GAK: variants seen among roughly 807,000 people sequenced by gnomAD.
GAK encodes cyclin G associated kinase.
In GAK, 79 loss-of-function variants were observed where a neutral mutation model predicts 143.9. The ratio of observed to expected loss-of-function variants is 0.55; its 90% CI spans 0.46 to 0.66. The LOEUF (loss-of-function observed/expected upper bound fraction) is 0.66. Ranked by LOEUF, GAK falls within the 30% of genes least tolerant of loss-of-function variation. The pLI, the probability that GAK is intolerant of heterozygous loss-of-function variation, is 0.00. For synonymous variants in GAK, 881 were observed against 765.5 expected (o/e 1.15, Z -2.49); for missense variants, 1,693 against 1,779.7 (o/e 0.95, Z 0.88).
rs751297024 is a variant in GAK, at chr4:865,123, T to G, written c.3165A>C (p.Glu1055Asp). 1.2e-6 allele frequency: 2 copies of G among 1,608,698 alleles called. No homozygotes were observed. The highest frequency in any genetic ancestry group is 1.7e-6 in the Non-Finnish European group (2 of 1,177,308). ...ASAVAPTPATEGPLFSPGGQP... is the reference protein window; with the variant it reads ...ASAVAPTPATDGPLFSPGGQP... ...GTCCTTGGTGGGTGGTGGCCATACC[T>G]TCTGTGGCTGGCGTGGGGGCCACTG... Residue 1055 changes from glutamate (E) to aspartate (D), a missense_variant and splice_region_variant, in exon 23 of 28, where the codon GAA (glutamate) becomes GAC (aspartate). Physicochemically the swap from Glu to Asp is conservative, Grantham distance 45. Coordinates refer to ENST00000314167, the MANE Select transcript of GAK (RefSeq NM_005255.4).
At chr4:900,185 T>G (rs889844943) in intron 5 of GAK, among the ~76,000 whole-genome samples, 1 of 150,352 alleles carries the variant, frequency 6.7e-6, no homozygotes, top group African/African-American at 2.5e-5. Flanking sequence ...AGCAGGACGA[T>G]GCACAGGGCA....
At chr4:894,583 G>GGCGT (rs147984788) in intron 7 of GAK, 4,583 of 152,842 alleles carry the variant, frequency 0.03, 98 homozygotes, top group South Asian at 0.088. Flanking sequence ...CGGAGCTGGC[G>GGCGT]GCGTGCTTCC....
chr4:852,967 C>T (rs1239248598), intron 24 of GAK: 1 of 152,272 alleles, frequency 6.6e-6, no homozygotes, highest in African/African-American at 2.4e-5. Flanking sequence ...CCTCTCAGCA[C>T]CACAGCAATC....
chr4:911,402 C>T (rs970413183), intron 4 of GAK, among the ~76,000 whole-genome samples: 1 of 152,246 alleles, frequency 6.6e-6, no homozygotes, highest in Admixed American at 6.5e-5. Context: ...CCACTGGAGA[C>T]AGGCAGGATG....
At chr4:876,457 A>G (rs540157565) in intron 18 of GAK, 73 bp downstream of exon 18, 12 of 1,351,864 alleles carry the variant, frequency 8.9e-6, no homozygotes, top group African/African-American at 1.4e-5. Context: ...GGCTCCCACG[A>G]CCGGCCCACA....
chr4:862,834 C>A (rs552713520), intron 23 of GAK, among the ~76,000 whole-genome samples: 2 of 152,158 alleles, frequency 1.3e-5, no homozygotes, highest in Non-Finnish European at 2.9e-5. Flanking sequence ...GCTGACAATA[C>A]GGACAATGCA....
At chr4:924,093 G>C in intron 1 of GAK, among the ~76,000 whole-genome samples, 1 of 149,912 alleles carries the variant, frequency 6.7e-6, no homozygotes, top group Non-Finnish European at 1.5e-5. Flanking sequence ...GCTGAGGCAG[G>C]AGAATTGTTT....
chr4:880,829 G>A (rs1481702558), intron 15 of GAK, among the ~76,000 whole-genome samples: 1 of 152,186 alleles, frequency 6.6e-6, no homozygotes, highest in Non-Finnish European at 1.5e-5. Flanking sequence ...AGGAGCTGTG[G>A]GATTTGGGGG....
chr4:876,833 C>T lies in GAK; in HGVS notation c.1975-224G>A, dbSNP rs1424222100. ...CCCACAAGCTGCTTCACGGGACTGC[C>T]GTGGGGGCTGCCCCAAGTGGACCCT... On this transcript the variant is annotated intron_variant, in intron 17 of 27. Coordinates refer to ENST00000314167, the MANE Select transcript of GAK (RefSeq NM_005255.4). Among the ~76,000 whole-genome samples the T allele has an allele frequency of 3.9e-5, 6 of 152,164 alleles. No homozygotes were observed. The East Asian group carries it at 5.8e-4, about 15-fold the overall frequency.
chr4:929,163 G>C (rs890665032), intron 1 of GAK, among the ~76,000 whole-genome samples: 2 of 152,140 alleles, frequency 1.3e-5, no homozygotes, highest in African/African-American at 2.4e-5. Context: ...CCTGGGGGTG[G>C]GAGTAGGCTG....
chr4:924,596 C>A (rs1434255493), intron 1 of GAK, among the ~76,000 whole-genome samples: 1 of 138,808 alleles, frequency 7.2e-6, no homozygotes, highest in African/African-American at 2.9e-5. Context: ...CATAACAGCA[C>A]ATACGGTTTG....
intron 5 of GAK, among the ~76,000 whole-genome samples, chr4:901,822 CG>C (rs1719924868): frequency 6.6e-6 from 1 of 152,208 alleles, no homozygotes; most frequent in Non-Finnish European, 1.5e-5. Flanking sequence ...GCGCCGCTCC[CG>C]ATTAGCGAGG....
Position 877,664 on chromosome 4 carries a change from C to G in GAK, c.1807G>C (p.Val603Leu), listed in dbSNP as rs146207272. The change falls in exon 16 of 28, where the codon GTG becomes CTG. Residue 603 changes from valine (V) to leucine (L), a missense_variant. Transcript: ENST00000314167. ...SGCRPFCEVY[V>L]GDERVASTSQ... is the part of the protein sequence containing the mutation. ...GTGCTGGCCACACGCTCGTCCCCCA[C>G]GTAGACCTCGCAGAAGGGCCTGCAG... 2 of 1,610,114 alleles carry G rather than the reference C, an allele frequency of 1.2e-6. No homozygotes were observed. The highest frequency in any genetic ancestry group is 2.2e-5 in the South Asian group (2 of 90,614).
chr4:900,149 G>A (rs1309888932), intron 5 of GAK, among the ~76,000 whole-genome samples: 1 of 152,240 alleles, frequency 6.6e-6, no homozygotes, highest in African/African-American at 2.4e-5. Flanking sequence ...CCATTCTACA[G>A]CCAACAGAGA....
At chr4:927,195 A>G (rs370700009) in intron 1 of GAK, among the ~76,000 whole-genome samples, 21 of 9,964 alleles carry the variant, frequency 2.1e-3, no homozygotes, top group South Asian at 0.014. Flanking sequence ...GCTCACCTGC[A>G]GTCCGCACTG....
intron 22 of GAK, 108 bp downstream of exon 22, chr4:866,256 A>G: frequency 1.7e-6 from 2 of 1,173,898 alleles, no homozygotes; most frequent in Non-Finnish European, 2.4e-6. Context: ...GAGGCCACAC[A>G]GTCCAGCCCC....
chr4:887,307 C>A (rs573902951), intron 11 of GAK: 1 of 148,264 alleles, frequency 6.7e-6, no homozygotes, highest in Admixed American at 6.7e-5. Context: ...CGCACTCACA[C>A]GTGTACACAT....
chr4:860,610 C>A (rs1750095948), intron 23 of GAK, among the ~76,000 whole-genome samples: 1 of 152,192 alleles, frequency 6.6e-6, no homozygotes, highest in Non-Finnish European at 1.5e-5. Flanking sequence ...AACCAGGAGA[C>A]AAACCGGAGA....
chr4:907,927 G>A (rs775722593), intron 4 of GAK, among the ~76,000 whole-genome samples: 5 of 152,114 alleles, frequency 3.3e-5, no homozygotes, highest in East Asian at 1.9e-4. Flanking sequence ...GGCTGGGCCC[G>A]GCCCCTCTCC....
Sources: gnomAD v4.1 joint callset for allele counts (sites outside exome capture counted in the v4.1 genomes callset) on GRCh38, gnomAD v4.1.1 for gene constraint, MANE v1.5 for transcripts, NCBI Gene and HGNC (gene_info 2026-07-23, HGNC 2026-07-21) for gene names.